Variants in SLC4A2 observed in about 807,000 individuals in gnomAD.
The protein encoded by SLC4A2 is solute carrier family 4 member 2.
Under a neutral mutation model 115.0 loss-of-function variants are expected in SLC4A2, and 36 were observed. The observed-to-expected ratio is 0.31, with a 90% CI of 0.24 to 0.41. The LOEUF (loss-of-function observed/expected upper bound fraction) is 0.41. SLC4A2 is among the 10% of genes least tolerant of loss of function. The probability of loss-of-function intolerance (pLI) is 1.00; values close to 1 mark genes in which losing one functional copy is unlikely to be tolerated. For synonymous variants in SLC4A2, 708 were observed against 708.3 expected (o/e 1.00, Z 0.01); for missense variants, 1,252 against 1,705.6 (o/e 0.73, Z 4.68).
chr7:151,074,535 C>CG, intron 18 of SLC4A2, 47 bp downstream of exon 18: 2 of 1,602,592 alleles, frequency 1.2e-6, no homozygotes, highest in Non-Finnish European at 1.7e-6. Context: ...TCTGCCACCC[C>CG]GGGTCTAGGT....
In SLC4A2 at chr7:151,059,832, G is replaced by A. The variant is rs1202617666; in HGVS notation, c.-64+70G>A. On this transcript the variant is annotated intron_variant, in intron 1 of 22. Transcript: ENST00000413384. This position sits in a 1 kb window ranked among gnomAD's most constrained non-coding sequence, Gnocchi z 5.8. ...GAGGAAGGGAGGGGGAAGGAGAGGGGGGAACTCGGGACTCGAGCGGGGAGG... is the reference window on the plus strand; with the variant it reads ...GAGGAAGGGAGGGGGAAGGAGAGGGAGGAACTCGGGACTCGAGCGGGGAGG... 1 of 150,894 alleles carries A rather than the reference G, an allele frequency of 6.6e-6. No individual in the cohort carries two copies. The highest frequency in any genetic ancestry group is 1.5e-5 in the Non-Finnish European group (1 of 67,552). The allele number at this position is 150,894 out of a possible 1,614,324, so 9.3% of individuals were successfully genotyped here.
rs773695069 is a variant in SLC4A2 at position 151,064,599 on chromosome 7, G to A, written c.291G>A (p.Lys97=). The change falls in exon 4 of 23, where the codon AAG becomes AAA. Residue 97 remains lysine, a synonymous_variant. Coordinates refer to ENST00000413384, the MANE Select transcript of SLC4A2 (RefSeq NM_003040.4). ...THLPPDARRR[K]TPQGPGRKPR... ...TGCCTCCGGATGCACGCCGCCGCAA[G>A]ACACCCCAGGGCCCAGGACGGAAGC... 7 of 1,613,154 alleles carry A rather than the reference G, an allele frequency of 4.3e-6. No homozygotes were observed. Among genetic ancestry groups the A allele is most frequent in the Non-Finnish European group, 5.9e-6 (7 of 1,179,960 alleles).
Position 151,073,272 on chromosome 7 carries a change from TTTTATTTTATTTTA to T in SLC4A2, c.2536-763_2536-750del, listed in dbSNP as rs1338815032. 5.9e-5 allele frequency among the ~76,000 whole-genome samples: 9 copies of T among 151,434 alleles called. No homozygotes were observed. The South Asian group carries it at 1.9e-3, about 32-fold the overall frequency. Reference sequence around the variant, plus strand: ...TCCATCTTTATTTTATTTTATTTTATTTTATTTTATTTTATTTGTTTATTTGTTTTTTGAGACAG... The same window carrying T: ...TCCATCTTTATTTTATTTTATTTTATTTTGTTTATTTGTTTTTTGAGACAG... On this transcript the variant is annotated intron_variant, in intron 16 of 22. Transcript: ENST00000413384.
At position 151,066,528 on chromosome 7, in the gene SLC4A2, A is replaced by AGGAGGCGGAGGC. The variant is rs150330052; in HGVS notation, c.599_610dup (p.Glu200_Ala203dup). On this transcript the variant is annotated inframe_insertion, in exon 6 of 23. Transcript: ENST00000413384. ...TTCTGTCTGCCTAGAACCCAGGTGG[A>AGGAGGCGGAGGC]GGAGGCGGAGGCGGAGGCGGTGGCG... is the stretch of plus-strand genomic sequence containing the variant. 2.2e-4 allele frequency: 336 copies of AGGAGGCGGAGGC among 1,524,724 alleles called. No individual in the cohort carries two copies. Among genetic ancestry groups the AGGAGGCGGAGGC allele is most frequent in the Non-Finnish European group, 2.8e-4 (323 of 1,135,916 alleles). 94.4% of individuals were successfully genotyped at this position (1,524,724 alleles called of 1,614,324 possible).
At position 151,071,461 on chromosome 7, in the gene SLC4A2, G is replaced by T. The variant is rs766348973; in HGVS notation, c.2047G>T (p.Gly683Trp). 3 of 1,610,294 alleles carry T rather than the reference G, an allele frequency of 1.9e-6. No homozygotes were observed. Among genetic ancestry groups the T allele is most frequent in the South Asian group, 1.1e-5 (1 of 91,022 alleles). ...CCTTCGGCGGACGGGGCGGCCCTTT[G>T]GGGGGCTGATCCGAGATGTGCGGCG... ...DPLRRTGRPF[G>W]GLIRDVRRRY... is the part of the protein sequence containing the mutation. Residue 683 changes from glycine (G) to tryptophan (W), a missense_variant, in exon 14 of 23, where the codon GGG becomes TGG. This residue lies in a region of SLC4A2 where 122 missense variants were observed against 116.8 expected (regional missense o/e 1.04). Coordinates refer to ENST00000413384, the MANE Select transcript of SLC4A2 (RefSeq NM_003040.4). The surrounding 1 kb of genome is among the most constrained non-coding windows in gnomAD (Gnocchi z 5.5).
chr7:151,073,938 A>G, intron 16 of SLC4A2, 101 bp from the exon 17 acceptor site: 1 of 1,279,108 alleles, frequency 7.8e-7, no homozygotes, highest in South Asian at 1.5e-5. Context: ...AAAGCAGGCC[A>G]GCCTTTCCCC....
chr7:151,066,526 G>A lies in SLC4A2; in HGVS notation c.588G>A (p.Val196=), dbSNP rs1202408290. The A allele has an allele frequency of 2.6e-6, 4 of 1,523,124 alleles. No individual in the cohort carries two copies. Among genetic ancestry groups the A allele is most frequent in the African/African-American group, 1.4e-5 (1 of 71,424 alleles). 94.4% of individuals were successfully genotyped at this position (1,523,124 alleles called of 1,614,324 possible). A position where few individuals can be genotyped will look rare whatever the true frequency, so the allele number is the denominator to read the frequency against. Residue 196 remains valine, a synonymous_variant, in exon 6 of 23, where the codon GTG becomes GTA. Coordinates refer to ENST00000413384, the MANE Select transcript of SLC4A2 (RefSeq NM_003040.4). ...CATTCTGTCTGCCTAGAACCCAGGT[G>A]GAGGAGGCGGAGGCGGAGGCGGTGG... ...ASKGAQAGTQ[V]EEAEAEAVAV...
At position 151,071,514 on chromosome 7, in the gene SLC4A2, C is replaced by T; in HGVS notation, c.2100C>T (p.Phe700=). 1 of 1,613,906 alleles carries T rather than the reference C, an allele frequency of 6.2e-7. No individual in the cohort carries two copies. Among genetic ancestry groups the T allele is most frequent in the Non-Finnish European group, 8.5e-7 (1 of 1,179,998 alleles). The change falls in exon 14 of 23, where the codon TTC becomes TTT. Residue 700 remains phenylalanine, a synonymous_variant. Transcript: ENST00000413384. This position sits in a 1 kb window ranked among gnomAD's most constrained non-coding sequence, Gnocchi z 5.5. Reference sequence around the variant, plus strand: ...GCTATCCCCACTACCTGAGTGACTTCCGAGATGCACTTGACCCTCAGTGCC... The same window carrying T: ...GCTATCCCCACTACCTGAGTGACTTTCGAGATGCACTTGACCCTCAGTGCC... The part of the protein sequence containing the change: ...RRRYPHYLSD[F]RDALDPQCLA...
chr7:151,067,080 G>A (rs1797261771), intron 7 of SLC4A2, 87 bp downstream of exon 7: 2 of 1,359,054 alleles, frequency 1.5e-6, no homozygotes, highest in Admixed American at 2.3e-5. Context: ...TCAAGCCTCA[G>A]GGTTGCCACT....
chr7:151,063,143 C>T (rs1797110430), intron 2 of SLC4A2: 1 of 1,492,948 alleles, frequency 6.7e-7, no homozygotes, highest in South Asian at 1.2e-5. Flanking sequence ...GCATTCCCTG[C>T]CGGCTGTGCC....
chr7:151,061,042 C>T (rs1165910300), intron 1 of SLC4A2, among the ~76,000 whole-genome samples: 4 of 152,044 alleles, frequency 2.6e-5, no homozygotes, highest in African/African-American at 4.8e-5. Context: ...GCCCCCACCA[C>T]ACAGTGTCCT....
intron 2 of SLC4A2, 91 bp from the exon 3 acceptor site, chr7:151,064,111 T>G (rs1797145204): frequency 5.2e-6 from 7 of 1,353,210 alleles, no homozygotes; most frequent in Non-Finnish European, 5.1e-6. Context: ...CGGGGGAGGG[T>G]TCCTGGGTCT....
chr7:151,073,898 T>C, intron 16 of SLC4A2, 141 bp from the exon 17 acceptor site: 2 of 892,488 alleles, frequency 2.2e-6, no homozygotes, highest in South Asian at 3.4e-5. Flanking sequence ...CTCTGGGTCA[T>C]TGTCTTAATT....
intron 2 of SLC4A2, chr7:151,063,065 G>C (rs1196395860): frequency 3.3e-6 from 5 of 1,509,796 alleles, no homozygotes; most frequent in East Asian, 5.1e-5. Context: ...GTGGGTGGGT[G>C]GGGGGCTGGA....
upstream of SLC4A2, chr7:151,058,925 A>T (rs1432766577): frequency 6.6e-6 from 1 of 152,284 alleles, no homozygotes; most frequent in African/African-American, 2.4e-5. Flanking sequence ...ACACGTGTTA[A>T]TTAACTCGTT....
Position 151,069,955 on chromosome 7 carries a change from C to T in SLC4A2, c.1156C>T (p.Leu386Phe). ...GTGCCATCTTATGCTAGGGGCTGTG[C>T]TCTTGGATCTGGACCAGCAGACCCT... ...LRRTLAHGAV[L>F]LDLDQQTLPG... Residue 386 changes from leucine to phenylalanine, a missense_variant, in exon 9 of 23, where the codon CTC becomes TTC. Leu to Phe is a conservative substitution (Grantham distance 22, BLOSUM62 0). Coordinates refer to ENST00000413384, the MANE Select transcript of SLC4A2 (RefSeq NM_003040.4). 2.5e-6 allele frequency: 4 copies of T among 1,613,926 alleles called. No individual in the cohort carries two copies. The highest frequency in any genetic ancestry group is 1.1e-5 in the South Asian group (1 of 91,088).
chr7:151,066,993 G>A lies in SLC4A2; in HGVS notation c.966G>A (p.Glu322=), dbSNP rs1328250809. The change falls in exon 7 of 23, where the codon GAG becomes GAA. Residue 322 remains glutamate (E), a splice_region_variant and synonymous_variant. Transcript: ENST00000413384. ...ARPRAPHKPH[E]VFVELNELLL... The stretch of plus-strand genomic sequence containing the variant: ...CCCGGGCCCCCCACAAGCCCCATGA[G>A]GTACCATGCTCTGCTTCATGCTCTT... 1 of 1,593,562 alleles carries A rather than the reference G, an allele frequency of 6.3e-7. No individual in the cohort carries two copies. Among genetic ancestry groups the A allele is most frequent in the East Asian group, 2.2e-5 (1 of 44,730 alleles).
chr7:151,071,097 C>G lies in SLC4A2; in HGVS notation c.1775C>G (p.Ala592Gly). The change falls in exon 13 of 23, where the codon GCT becomes GGT. Residue 592 changes from alanine (A) to glycine (G), a missense_variant. Physicochemically the swap from Ala to Gly is moderately conservative, Grantham distance 60. This residue lies in a region of SLC4A2 where 87 missense variants were observed against 170.3 expected (regional missense o/e 0.51). Transcript: ENST00000413384. This position sits in a 1 kb window ranked among gnomAD's most constrained non-coding sequence, Gnocchi z 5.5. ...DKQFHEAAYL[A>G]DEREDLLTAI... ...CAATTCCACGAGGCAGCCTACCTGGCTGACGAGCGGGAGGACCTGCTGACG... is the reference window on the plus strand; with the variant it reads ...CAATTCCACGAGGCAGCCTACCTGGGTGACGAGCGGGAGGACCTGCTGACG... The G allele has an allele frequency of 6.2e-7, 1 of 1,612,638 alleles. No homozygotes were observed.
intron 16 of SLC4A2, among the ~76,000 whole-genome samples, chr7:151,073,400 C>G (rs1797507728): frequency 2.0e-5 from 3 of 152,062 alleles, no homozygotes; most frequent in Admixed American, 2.0e-4. Flanking sequence ...CCTGCCTCTG[C>G]CTCAGCCTCT....
Sources: allele counts gnomAD v4.1 joint callset (sites outside exome capture counted in the v4.1 genomes callset), GRCh38; gene constraint gnomAD v4.1.1; regional missense constraint gnomAD v4.1.1; non-coding constraint Gnocchi (gnomAD v3.1); transcripts MANE v1.5; gene names NCBI Gene and HGNC (gene_info 2026-07-23, HGNC 2026-07-21).